Variants in OXR1 observed in about 807,000 individuals in gnomAD.
OXR1 encodes the protein oxidation resistance 1.
In OXR1, 41 loss-of-function variants were observed where a neutral mutation model predicts 104.6. The observed-to-expected ratio is 0.39, with a 90% CI of 0.31 to 0.51. The LOEUF is 0.51. Ranked by LOEUF, OXR1 falls within the 20% of genes least tolerant of loss-of-function variation. The pLI is 0.77. For synonymous variants in OXR1, 348 were observed against 348.4 expected, an observed-to-expected ratio of 1.00 and a Z score of 0.01; for missense variants, 955 against 1,031.9, an observed-to-expected ratio of 0.93 and a Z score of 1.02.
In OXR1 at chr8:106,751,401, ATCTTAT is replaced by A. The variant is rs1347460656; in HGVS notation, c.*466_*471del. 1 of 152,764 alleles carries A rather than the reference ATCTTAT, an allele frequency of 6.5e-6. No individual in the cohort carries two copies. The highest frequency in any genetic ancestry group is 1.5e-5 in the Non-Finnish European group (1 of 68,152). 9.5% of individuals were successfully genotyped at this position (152,764 alleles called of 1,614,324 possible). A position where few individuals can be genotyped will look rare whatever the true frequency, so the allele number is the denominator to read the frequency against. ...GCACAGGTAACATTTGGACATGTTC[ATCTTAT>A]TCTTAGGAAGGAAAAAATCACTTGC... On this transcript the variant is annotated 3_prime_UTR_variant, in exon 17 of 17. Transcript: ENST00000517566.
chr8:106,402,496 A>T (rs576165769), intron 2 of OXR1, among the ~76,000 whole-genome samples: 32 of 152,296 alleles, frequency 2.1e-4, no homozygotes, highest in South Asian at 6.2e-4. Context: ...AGGTTCAGGG[A>T]CTTACTGGAC....
chr8:106,317,546 A>G (rs142113450), intron 1 of OXR1, among the ~76,000 whole-genome samples: 2 of 152,314 alleles, frequency 1.3e-5, no homozygotes, highest in Non-Finnish European at 2.9e-5. Context: ...CTTTTTGCAT[A>G]AAGTGTAACC....
At chr8:106,620,303 TTTAA>T (rs1373046905) in intron 3 of OXR1, among the ~76,000 whole-genome samples, 2 of 152,170 alleles carry the variant, frequency 1.3e-5, no homozygotes, top group African/African-American at 4.8e-5. Context: ...TGTATTGTGA[TTTAA>T]TTGACAGTTT....
chr8:106,582,177 CATATATATAT>C (rs71562108), intron 3 of OXR1, among the ~76,000 whole-genome samples: 1 of 119,328 alleles, frequency 8.4e-6, no homozygotes, highest in Non-Finnish European at 1.6e-5. Context: ...TTTCTATTGA[CATATATATAT>C]ATATATATAT....
chr8:106,362,095 C>T (rs1194191675), intron 2 of OXR1, among the ~76,000 whole-genome samples: 4 of 152,144 alleles, frequency 2.6e-5, no homozygotes, highest in African/African-American at 4.8e-5. Flanking sequence ...GCAGCTTCTT[C>T]GTGTCTAGGA....
chr8:106,588,293 T>G (rs1818807142), intron 3 of OXR1, among the ~76,000 whole-genome samples: 1 of 151,558 alleles, frequency 6.6e-6, no homozygotes, highest in Admixed American at 6.6e-5. Flanking sequence ...AAGAAGAAAC[T>G]GCAGTGATGG....
intron 10 of OXR1, among the ~76,000 whole-genome samples, chr8:106,712,867 T>G (rs1260059752): frequency 1.3e-5 from 2 of 152,028 alleles, no homozygotes; most frequent in Non-Finnish European, 1.5e-5. Context: ...AAATTTAGTT[T>G]TTCTCATTAT....
intron 1 of OXR1, among the ~76,000 whole-genome samples, chr8:106,310,186 AT>A (rs1813639172): frequency 6.8e-6 from 1 of 147,874 alleles, no homozygotes; most frequent in African/African-American, 2.5e-5. Flanking sequence ...CTTTAACAAT[AT>A]TTTGTTTTTC....
At chr8:106,572,985 G>A (rs142716090) in intron 3 of OXR1, among the ~76,000 whole-genome samples, 19 of 152,220 alleles carry the variant, frequency 1.2e-4, no homozygotes, top group Admixed American at 2.6e-4. Flanking sequence ...TCAAAGGCAT[G>A]GGAACCATGA....
intron 2 of OXR1, among the ~76,000 whole-genome samples, chr8:106,427,722 C>A (rs1016273850): frequency 5.9e-5 from 9 of 152,272 alleles, no homozygotes; most frequent in Non-Finnish European, 1.3e-4. Context: ...ACAGGCTAAT[C>A]TAATCCTCTA....
At chr8:106,697,997 G>C in intron 7 of OXR1, 1 of 1,613,130 alleles carries the variant, frequency 6.2e-7, no homozygotes, top group Non-Finnish European at 8.5e-7. Context: ...CCATAATGCA[G>C]GTCCCCTGTT....
intron 11 of OXR1, among the ~76,000 whole-genome samples, chr8:106,727,708 T>G (rs1467591109): frequency 6.6e-6 from 1 of 152,182 alleles, no homozygotes; most frequent in Non-Finnish European, 1.5e-5. Context: ...TCCAGGCCAC[T>G]GCGCCCAGCC....
intron 2 of OXR1, among the ~76,000 whole-genome samples, chr8:106,404,274 C>G (rs4734914): frequency 2.0e-5 from 3 of 151,974 alleles, no homozygotes; most frequent in Non-Finnish European, 4.4e-5. Flanking sequence ...ACTTCTTCTA[C>G]GGGTAAAGAA....
chr8:106,519,247 A>C, intron 3 of OXR1, 108 bp downstream of exon 3: 1 of 673,906 alleles, frequency 1.5e-6, no homozygotes, highest in Non-Finnish European at 2.5e-6. Context: ...AAACATGTAA[A>C]TCTTTCTGAT....
chr8:106,737,438 CTCTTTTTTTTTT>C, intron 11 of OXR1, 70 bp from the exon 12 acceptor site: 1 of 323,682 alleles, frequency 3.1e-6, no homozygotes, highest in Admixed American at 6.2e-5. Context: ...TTAATTTCTC[CTCTTTTTTTTTT>C]TTTTTTTTTT....
At chr8:106,583,665 C>A (rs1051445659) in intron 3 of OXR1, among the ~76,000 whole-genome samples, 67 of 152,120 alleles carry the variant, frequency 4.4e-4, no homozygotes, top group African/African-American at 1.5e-3. Context: ...AAAGCTAATG[C>A]TAACAGTGGG....
intron 2 of OXR1, among the ~76,000 whole-genome samples, chr8:106,500,503 A>G (rs563663724): frequency 2.6e-5 from 4 of 152,252 alleles, no homozygotes; most frequent in Admixed American, 6.5e-5. Context: ...CTTTCATGTA[A>G]AATCTTTAGT....
In OXR1 at chr8:106,309,938, C is replaced by G. The variant is rs541029298; in HGVS notation, c.-139+39571C>G. Among the ~76,000 whole-genome samples, 6 of 151,784 alleles carry G rather than the reference C, an allele frequency of 4.0e-5. No individual in the cohort carries two copies. The East Asian group carries it at 9.7e-4, about 24-fold the overall frequency. On this transcript the variant is annotated intron_variant, in intron 1 of 16. Coordinates refer to ENST00000517566, the MANE Select transcript of OXR1 (RefSeq NM_001198533.2). ...CTCTATTCTTATTCCTTAGGGAAAC[C>G]ATGTTCAACATTTTTAGCTGCTTTT...
chr8:106,568,792 T>C (rs188182400), intron 3 of OXR1, among the ~76,000 whole-genome samples: 3 of 152,268 alleles, frequency 2.0e-5, no homozygotes, highest in Admixed American at 2.0e-4. Flanking sequence ...TTGTTCATTA[T>C]ACAAAATACT....
Sources: gnomAD v4.1 joint callset for allele counts (sites outside exome capture counted in the v4.1 genomes callset) on GRCh38, gnomAD v4.1.1 for gene constraint, MANE v1.5 for transcripts, NCBI Gene and HGNC (gene_info 2026-07-23, HGNC 2026-07-21) for gene names.